Variants in WASF1 observed in about 807,000 individuals in gnomAD.
WASF1 encodes WASP family member 1.
In WASF1, 7 loss-of-function variants were observed where a neutral mutation model predicts 50.5. The observed-to-expected ratio is 0.14, with a 90% CI of 0.08 to 0.26. WASF1 has a LOEUF of 0.26. Among genes scored for constraint, WASF1 ranks in the 10% least tolerant of loss-of-function variants. The pLI is 1.00. For missense variants in WASF1, 470 were observed against 694.7 expected (o/e 0.68, Z 3.64); for synonymous variants, 205 against 244.0 (o/e 0.84, Z 1.49).
intron 2 of WASF1, among the ~76,000 whole-genome samples, chr6:110,167,541 C>T (rs1261466067): frequency 2.6e-5 from 4 of 151,920 alleles, no homozygotes; most frequent in African/African-American, 7.2e-5. Context: ...AACTTCTGTA[C>T]CTCTAATTCT....
chr6:110,115,584 T>A (rs1406050974), intron 4 of WASF1, among the ~76,000 whole-genome samples: 1 of 152,208 alleles, frequency 6.6e-6, no homozygotes, highest in East Asian at 1.9e-4. Flanking sequence ...GTCAAAGTGG[T>A]CCACTTGCCC....
At chr6:110,172,170 A>G (rs914213960) in intron 2 of WASF1, among the ~76,000 whole-genome samples, 1 of 152,226 alleles carries the variant, frequency 6.6e-6, no homozygotes, top group Non-Finnish European at 1.5e-5. Context: ...TGACTCAGCA[A>G]TCCCATTACT....
chr6:110,101,929 A>G lies in WASF1; in HGVS notation c.1181T>C (p.Val394Ala), dbSNP rs755011535. 4 of 1,610,280 alleles carry G rather than the reference A, an allele frequency of 2.5e-6. No individual in the cohort carries two copies. In the East Asian group the frequency reaches 8.9e-5, roughly 36 times the overall value. ...PAPPPIAPPL[V>A]QPSPPVARAA... The stretch of plus-strand genomic sequence containing the variant: ...TCTAGCTACTGGTGGAGAGGGCTGT[A>G]CTAGAGGAGGTGCAATTGGAGGAGG... Residue 394 changes from valine (V) to alanine (A), a missense_variant, in exon 10 of 11, where the codon GTA (valine) becomes GCA (alanine). Val to Ala is a moderately conservative substitution (Grantham distance 64). Coordinates refer to ENST00000392589, the MANE Select transcript of WASF1 (RefSeq NM_003931.3).
At chr6:110,144,414 G>C (rs1775433254) in intron 3 of WASF1, among the ~76,000 whole-genome samples, 2 of 152,024 alleles carry the variant, frequency 1.3e-5, no homozygotes, top group Admixed American at 1.3e-4. Flanking sequence ...TCTGTAGTTT[G>C]CCTGTTCACT....
At chr6:110,176,984 A>AG (rs1562194401) in intron 2 of WASF1, among the ~76,000 whole-genome samples, 12 of 152,108 alleles carry the variant, frequency 7.9e-5, no homozygotes, top group African/African-American at 2.9e-4. Flanking sequence ...ACAAGGTACT[A>AG]TGTACTGTGA....
In WASF1 at chr6:110,101,610, C is replaced by T. The variant is rs1290521945; in HGVS notation, c.1500G>A (p.Val500=). Residue 500 remains valine, a synonymous_variant, in exon 10 of 11, where the codon GTG becomes GTA. Transcript: ENST00000392589. Reference sequence around the variant, plus strand: ...TACCTTTTCGTATTGCTTCCAGTAGCACACTCCTGGCATCACTGATTACAG... The same window carrying T: ...TACCTTTTCGTATTGCTTCCAGTAGTACACTCCTGGCATCACTGATTACAG... ...TLPVISDARS[V]LLEAIRKGIQ... The T allele has an allele frequency of 6.2e-7, 1 of 1,613,240 alleles. No homozygotes were observed. The highest frequency in any genetic ancestry group is 8.5e-7 in the Non-Finnish European group (1 of 1,179,410).
At chr6:110,105,308 T>C (rs1773269747) in intron 8 of WASF1, 99 bp downstream of exon 8, 7 of 1,196,132 alleles carry the variant, frequency 5.9e-6, no homozygotes, top group Non-Finnish European at 5.7e-6. Flanking sequence ...TAACAGGGTC[T>C]GCCTGTTCAA....
chr6:110,114,043 T>C (rs1490441133), intron 4 of WASF1, among the ~76,000 whole-genome samples: 3 of 152,218 alleles, frequency 2.0e-5, no homozygotes, highest in Non-Finnish European at 4.4e-5. Context: ...TAAATTTAAG[T>C]GTAATACTGT....
At chr6:110,106,779 A>C (rs1229270938) in intron 7 of WASF1, among the ~76,000 whole-genome samples, 1 of 152,176 alleles carries the variant, frequency 6.6e-6, no homozygotes, top group Non-Finnish European at 1.5e-5. Context: ...ATTCATTATA[A>C]GCTTTGTGGG....
chr6:110,177,970 A>C (rs1174380902), intron 2 of WASF1, among the ~76,000 whole-genome samples: 1 of 151,878 alleles, frequency 6.6e-6, no homozygotes, highest in Non-Finnish European at 1.5e-5. Context: ...TTCATCCTTC[A>C]GGTAGATCAC....
At chr6:110,120,062 T>A (rs981444280) in intron 4 of WASF1, among the ~76,000 whole-genome samples, 3 of 152,158 alleles carry the variant, frequency 2.0e-5, no homozygotes, top group Admixed American at 1.3e-4. Flanking sequence ...GAGCTATTTA[T>A]AACAAACCCA....
chr6:110,151,856 C>A (rs1010541141), intron 3 of WASF1, among the ~76,000 whole-genome samples: 7 of 152,070 alleles, frequency 4.6e-5, no homozygotes, highest in African/African-American at 1.2e-4. Context: ...TATGCCAAAT[C>A]AAATCAGTGA....
intron 3 of WASF1, among the ~76,000 whole-genome samples, chr6:110,160,243 G>A (rs1194142064): frequency 6.6e-6 from 1 of 151,778 alleles, no homozygotes; most frequent in Non-Finnish European, 1.5e-5. Context: ...CTAACTGCTG[G>A]ATGGACTAAA....
At chr6:110,115,000 G>A (rs1379392955) in intron 4 of WASF1, among the ~76,000 whole-genome samples, 4 of 151,950 alleles carry the variant, frequency 2.6e-5, no homozygotes, top group African/African-American at 7.2e-5. Flanking sequence ...GGTGAGGCAG[G>A]AGGATCACTT....
At chr6:110,159,110 G>A (rs1194465159) in intron 3 of WASF1, among the ~76,000 whole-genome samples, 2 of 151,884 alleles carry the variant, frequency 1.3e-5, no homozygotes, top group Non-Finnish European at 2.9e-5. Context: ...ATGTCCCATA[G>A]CAACTAACAG....
intron 3 of WASF1, among the ~76,000 whole-genome samples, chr6:110,130,715 T>A (rs1198630856): frequency 6.6e-6 from 1 of 152,228 alleles, no homozygotes; most frequent in Non-Finnish European, 1.5e-5. Context: ...CTATTGTGAA[T>A]ATACTTCAGG....
chr6:110,123,946 G>C (rs765128618), intron 4 of WASF1, among the ~76,000 whole-genome samples: 35 of 152,042 alleles, frequency 2.3e-4, no homozygotes, highest in Non-Finnish European at 4.3e-4. Flanking sequence ...GAATCCCAGT[G>C]GTTGTTAATG....
intron 7 of WASF1, among the ~76,000 whole-genome samples, chr6:110,106,113 G>C (rs1307846104): frequency 6.6e-6 from 1 of 152,172 alleles, no homozygotes; most frequent in Non-Finnish European, 1.5e-5. Context: ...AAAACTGGGG[G>C]AGAAAGTACA....
chr6:110,164,912 T>C (rs1372107151), intron 2 of WASF1, among the ~76,000 whole-genome samples: 4 of 151,608 alleles, frequency 2.6e-5, no homozygotes, highest in African/African-American at 9.7e-5. Context: ...GAACCTTAAA[T>C]GCATATTACC....
Sources: gnomAD v4.1 joint callset for allele counts (sites outside exome capture counted in the v4.1 genomes callset) on GRCh38, gnomAD v4.1.1 for gene constraint, MANE v1.5 for transcripts, NCBI Gene and HGNC (gene_info 2026-07-23, HGNC 2026-07-21) for gene names.